DACH2: variants seen among roughly 807,000 people sequenced by gnomAD.
The protein encoded by DACH2 is dachshund family transcription factor 2.
In DACH2, 17 loss-of-function variants were observed where a neutral mutation model predicts 35.8. The observed-to-expected ratio is 0.48, with a 90% CI of 0.33 to 0.71. The LOEUF (loss-of-function observed/expected upper bound fraction) is 0.71. Ranked by LOEUF, DACH2 falls within the 30% of genes least tolerant of loss-of-function variation. The pLI is 0.02. For missense variants in DACH2, 469 were observed against 472.7 expected, an observed-to-expected ratio of 0.99 and a Z score of 0.07; for synonymous variants, 195 against 177.3, an observed-to-expected ratio of 1.10 and a Z score of -0.79.
chrX:86,556,980 A>G (rs2039140445), intron 3 of DACH2, among the ~76,000 whole-genome samples: 1 of 106,383 alleles, frequency 9.4e-6, no homozygotes, highest in Admixed American at 1.0e-4. Flanking sequence ...CTATGGCATA[A>G]CTCTAAGATC....
chrX:86,386,698 C>T (rs945316559), intron 2 of DACH2, among the ~76,000 whole-genome samples: 4 of 111,348 alleles, frequency 3.6e-5, no homozygotes, highest in African/African-American at 1.3e-4. Context: ...TAGGCTCCTG[C>T]GTACCTTTGA....
intron 2 of DACH2, among the ~76,000 whole-genome samples, chrX:86,505,392 A>G (rs2038308295): frequency 8.9e-6 from 1 of 111,950 alleles, no homozygotes; most frequent in Non-Finnish European, 1.9e-5. Context: ...GAAATTTTTC[A>G]TCTTGCAAAA....
chrX:86,784,122 T>C (rs761654213), intron 7 of DACH2, among the ~76,000 whole-genome samples: 35 of 108,511 alleles, frequency 3.2e-4, no homozygotes, highest in Non-Finnish European at 6.3e-4. Context: ...ACACCTACAA[T>C]GTACGGATAA....
At chrX:86,765,100 ATTTG>A (rs1480192911) in intron 7 of DACH2, among the ~76,000 whole-genome samples, 2 of 109,841 alleles carry the variant, frequency 1.8e-5, no homozygotes, top group African/African-American at 6.6e-5. Flanking sequence ...TGGCTTGTTG[ATTTG>A]TTTAAGTTCC....
intron 3 of DACH2, among the ~76,000 whole-genome samples, chrX:86,641,740 G>C (rs1234612576): frequency 1.8e-5 from 2 of 111,859 alleles, no homozygotes; most frequent in African/African-American, 6.5e-5. Context: ...TTCCCATCAG[G>C]CTAACAGCAG....
At position 86,246,604 on chromosome X, in the gene DACH2, A is replaced by G. The variant is rs1336147526; in HGVS notation, c.488+97496A>G. Among the ~76,000 whole-genome samples the G allele has an allele frequency of 4.4e-5, 5 of 112,367 alleles. No homozygotes were observed. In the East Asian group the frequency reaches 1.4e-3, roughly 31 times the overall value. ...TGAAAGGTGAAATAAGTTCCTTTTCAGACAAGTAAATGCTAAAATAATTTG... is the reference window on the plus strand; with the variant it reads ...TGAAAGGTGAAATAAGTTCCTTTTCGGACAAGTAAATGCTAAAATAATTTG... On this transcript the variant is annotated intron_variant, in intron 1 of 11. Coordinates refer to ENST00000373125, the MANE Select transcript of DACH2 (RefSeq NM_053281.3).
chrX:86,180,176 G>GTA (rs72366047), intron 1 of DACH2, among the ~76,000 whole-genome samples: 1,538 of 42,855 alleles, frequency 0.036, 122 homozygotes, highest in African/African-American at 0.048. Flanking sequence ...ATGCTAAACC[G>GTA]TATATATATA....
chrX:86,313,274 G>C (rs753490812), intron 1 of DACH2, among the ~76,000 whole-genome samples: 8 of 111,583 alleles, frequency 7.2e-5, no homozygotes, highest in Non-Finnish European at 1.3e-4. Context: ...AAGACAAATG[G>C]TTACAATGTT....
At chrX:86,738,003 A>G (rs911016326) in intron 6 of DACH2, among the ~76,000 whole-genome samples, 1 of 111,455 alleles carries the variant, frequency 9.0e-6, no homozygotes, top group Non-Finnish European at 1.9e-5. Flanking sequence ...CTTCAAAGCC[A>G]GCAATGTTGC....
intron 1 of DACH2, among the ~76,000 whole-genome samples, chrX:86,358,464 C>T (rs1306646563): frequency 1.0e-4 from 11 of 108,509 alleles, no homozygotes; most frequent in Admixed American, 9.9e-4. Context: ...CACACACACA[C>T]ACACACACAC....
chrX:86,761,376 AT>A (rs35448765), intron 7 of DACH2, among the ~76,000 whole-genome samples: 1 of 111,788 alleles, frequency 8.9e-6, no homozygotes, highest in Non-Finnish European at 1.9e-5. Context: ...ACATGAACTC[AT>A]TTTTTTAAGT....
chrX:86,496,294 C>A (rs994242915), intron 2 of DACH2, among the ~76,000 whole-genome samples: 2 of 111,103 alleles, frequency 1.8e-5, no homozygotes, highest in Admixed American at 9.6e-5. Context: ...CTTTTATATT[C>A]TTTTTATATC....
intron 2 of DACH2, among the ~76,000 whole-genome samples, chrX:86,452,210 C>T (rs779150026): frequency 1.8e-5 from 2 of 111,423 alleles, no homozygotes; most frequent in Non-Finnish European, 3.8e-5. Context: ...TTTTGATGTG[C>T]AGCTGCATTT....
At chrX:86,192,674 A>G (rs1193124728) in intron 1 of DACH2, among the ~76,000 whole-genome samples, 1 of 112,428 alleles carries the variant, frequency 8.9e-6, no homozygotes, top group Non-Finnish European at 1.9e-5. Flanking sequence ...AGTGTTCACT[A>G]ATGTATTTAG....
chrX:86,622,206 T>A lies in DACH2; in HGVS notation c.641-28830T>A, dbSNP rs188170685. 1.8e-3 allele frequency among the ~76,000 whole-genome samples: 202 copies of A among 111,890 alleles called. 1 individual carries two copies. The highest frequency in any genetic ancestry group is 3.0e-3 in the Admixed American group (32 of 10,527). On this transcript the variant is annotated intron_variant, in intron 3 of 11. Transcript: ENST00000373125. ...GCCACAATATCACCTAAAACTAAAG[T>A]ATTATAAAAGCTAAACAATGCCAAG...
At chrX:86,457,561 A>G (rs1175596231) in intron 2 of DACH2, among the ~76,000 whole-genome samples, 2 of 112,555 alleles carry the variant, frequency 1.8e-5, no homozygotes, top group African/African-American at 3.2e-5. Context: ...GAAAACTTAC[A>G]TGCTAGGTTT....
At chrX:86,221,947 T>C (rs1365924551) in intron 1 of DACH2, among the ~76,000 whole-genome samples, 1 of 112,237 alleles carries the variant, frequency 8.9e-6, no homozygotes, top group African/African-American at 3.2e-5. Flanking sequence ...TGTGTGTACA[T>C]GCTGGGAGAG....
chrX:86,788,290 G>A (rs56292856), intron 7 of DACH2, among the ~76,000 whole-genome samples: 14,445 of 110,178 alleles, frequency 0.13, 762 homozygotes, highest in East Asian at 0.32. Context: ...ACCGGCTTCA[G>A]GTGTTTTCTA....
intron 2 of DACH2, among the ~76,000 whole-genome samples, chrX:86,396,944 G>A (rs1184509181): frequency 9.0e-6 from 1 of 111,162 alleles, no homozygotes; most frequent in Admixed American, 9.6e-5. Context: ...TTGGTAGCTT[G>A]ATGGGGATGG....
Sources: gnomAD v4.1 joint callset for allele counts (sites outside exome capture counted in the v4.1 genomes callset) on GRCh38, gnomAD v4.1.1 for gene constraint, MANE v1.5 for transcripts, NCBI Gene and HGNC (gene_info 2026-07-23, HGNC 2026-07-21) for gene names.